MTOR: variants seen among roughly 807,000 people sequenced by gnomAD.
MTOR encodes the protein mechanistic target of rapamycin kinase.
A neutral mutation model predicts 319.8 loss-of-function variants in MTOR; 70 were observed. That is an observed-to-expected ratio of 0.22 (90% CI 0.18 to 0.27). The LOEUF is 0.27. MTOR is among the 10% of genes least tolerant of loss of function. MTOR has a pLI of 1.00. For synonymous variants in MTOR, 1,183 were observed against 1,211.4 expected (o/e 0.98, Z 0.49); for missense variants, 1,890 against 3,274.4 (o/e 0.58, Z 10.32).
chr1:11,237,671 A>T lies in MTOR; in HGVS notation c.2208+172T>A, dbSNP rs552170293. ...GGCTCATGAGGTGATGAGCACTGGA[A>T]CTGCCATTATAAAGCCAGGGAAACA... On this transcript the variant is annotated intron_variant, in intron 13 of 57. Coordinates refer to ENST00000361445, the MANE Select transcript of MTOR (RefSeq NM_004958.4). 3.6e-4 allele frequency among the ~76,000 whole-genome samples: 55 copies of T among 152,282 alleles called. 1 individual carries two copies. Among genetic ancestry groups the T allele is most frequent in the Admixed American group, 1.4e-3 (21 of 15,300 alleles).
At position 11,129,713 on chromosome 1, in the gene MTOR, G is replaced by C. The variant is rs369717371; in HGVS notation, c.5714+25C>G. ...CTTGCCATTAACATGGCCTACCAGAGTTGCATCCTTCCCTTCTCTGATACC... is the reference window on the plus strand; with the variant it reads ...CTTGCCATTAACATGGCCTACCAGACTTGCATCCTTCCCTTCTCTGATACC... On this transcript the variant is annotated intron_variant, in intron 40 of 57. Transcript: ENST00000361445. This position sits in a 1 kb window ranked among gnomAD's most constrained non-coding sequence, Gnocchi z 4.7. The C allele has an allele frequency of 6.3e-7, 1 of 1,598,930 alleles. No homozygotes were observed. Among genetic ancestry groups the C allele is most frequent in the South Asian group, 1.1e-5 (1 of 90,540 alleles).
chr1:11,160,490 C>T (rs1004834256), intron 29 of MTOR, among the ~76,000 whole-genome samples: 2 of 152,168 alleles, frequency 1.3e-5, no homozygotes, highest in Non-Finnish European at 2.9e-5. Context: ...TGCAAGCTCC[C>T]ACAAAGATAA....
intron 19 of MTOR, among the ~76,000 whole-genome samples, chr1:11,220,051 GA>G (rs1646610783): frequency 9.1e-5 from 4 of 43,896 alleles, no homozygotes; most frequent in Non-Finnish European, 1.6e-4. Context: ...AAAAAGAAAA[GA>G]AAAGAAAAGA....
At chr1:11,110,381 C>G (rs1299407287) in intron 54 of MTOR, among the ~76,000 whole-genome samples, 1 of 152,112 alleles carries the variant, frequency 6.6e-6, no homozygotes, top group Non-Finnish European at 1.5e-5. Flanking sequence ...CACAGACCTT[C>G]TGAATGAAGG....
chr1:11,224,583 T>A lies in MTOR; in HGVS notation c.3030+4085A>T, dbSNP rs193155227. Among the ~76,000 whole-genome samples, 839 of 152,290 alleles carry A rather than the reference T, an allele frequency of 5.5e-3. 7 individuals carry two copies. Among genetic ancestry groups the A allele is most frequent in the Middle Eastern group, 0.01 (3 of 294 alleles). On this transcript the variant is annotated intron_variant, in intron 19 of 57. Coordinates refer to ENST00000361445, the MANE Select transcript of MTOR (RefSeq NM_004958.4). ...GTAATAAATTCAATCTAATGACTTA[T>A]GTAAAACCCTGTCCATAACGTTAGC...
At chr1:11,173,599 T>TTGTTCAAAGAATAAAGAGA (rs1553182025) in intron 28 of MTOR, among the ~76,000 whole-genome samples, 1 of 152,138 alleles carries the variant, frequency 6.6e-6, no homozygotes, top group East Asian at 1.9e-4. Flanking sequence ...ACTCTCTTGA[T>TTGTTCAAAGAATAAAGAGA]TGTTCAAAGA....
chr1:11,175,406 A>G (rs1034615557), intron 28 of MTOR, among the ~76,000 whole-genome samples: 3 of 152,218 alleles, frequency 2.0e-5, no homozygotes, highest in African/African-American at 7.2e-5. Flanking sequence ...GCTGAATTGC[A>G]GAGCCTCCTT....
intron 28 of MTOR, among the ~76,000 whole-genome samples, chr1:11,181,685 C>G (rs1191274097): frequency 1.3e-5 from 2 of 152,166 alleles, no homozygotes; most frequent in African/African-American, 4.8e-5. Context: ...AAGACCTCAC[C>G]ACAGTAAAAC....
At chr1:11,228,547 GGGA>G (rs1646920757) in intron 19 of MTOR, 118 bp downstream of exon 19, 1 of 1,332,380 alleles carries the variant, frequency 7.5e-7, no homozygotes, top group Non-Finnish European at 1.0e-6. Flanking sequence ...GGAGTTAAGG[GGGA>G]GGAAGGCATT....
chr1:11,123,163 G>A (rs189429374), intron 47 of MTOR, among the ~76,000 whole-genome samples: 29 of 152,256 alleles, frequency 1.9e-4, no homozygotes, highest in African/African-American at 7.0e-4. Flanking sequence ...GTTGTTAAAG[G>A]CATTTCCCAA....
At chr1:11,114,963 T>G in intron 51 of MTOR, 76 bp from the exon 52 acceptor site, 1 of 1,230,834 alleles carries the variant, frequency 8.1e-7, no homozygotes, top group African/African-American at 1.5e-5. Flanking sequence ...CAGGTGGCTT[T>G]CCTCTGCATC....
chr1:11,167,150 C>T (rs768308996), intron 29 of MTOR, among the ~76,000 whole-genome samples: 36 of 151,632 alleles, frequency 2.4e-4, no homozygotes, highest in Non-Finnish European at 3.7e-4. Context: ...ATGTAAATGA[C>T]GAGTTAATGG....
chr1:11,139,169 AG>A, intron 36 of MTOR, 134 bp downstream of exon 36: 2 of 1,243,118 alleles, frequency 1.6e-6, no homozygotes, highest in South Asian at 1.6e-5. Flanking sequence ...GCTTTGTAAC[AG>A]GAAGAGACTC....
In MTOR at chr1:11,112,852, C is replaced by T. The variant is rs747347806; in HGVS notation, c.7366G>A (p.Glu2456Lys). ...TGCGACCTCCCGTGGATGCACCTAC[C>T]GACTGACTGGCCAGCAGAGTAGGAA... The part of the protein sequence containing the change: ...TDSYSAGQSV[E>K]ILDGVELGEP... The change falls in exon 54 of 58, where the codon GAA becomes AAA. Residue 2456 changes from glutamate (E) to lysine (K), a missense_variant and splice_region_variant. This residue lies in a region of MTOR where 49 missense variants were observed against 67.6 expected (regional missense o/e 0.72). Transcript: ENST00000361445. The T allele has an allele frequency of 1.2e-5, 19 of 1,614,092 alleles. No homozygotes were observed. The highest frequency in any genetic ancestry group is 6.7e-5 in the African/African-American group (5 of 74,942).
rs1428598262 is a variant in MTOR at position 11,115,491 on chromosome 1, C to A, written c.7017-23G>T. 1 of 1,607,748 alleles carries A rather than the reference C, an allele frequency of 6.2e-7. No homozygotes were observed. The highest frequency in any genetic ancestry group is 8.5e-7 in the Non-Finnish European group (1 of 1,174,266). ...TGTCTTTGAGAAACAGAAGACAGAT[C>A]AGGGAGGGATCAACAGAGATAACGG... On this transcript the variant is annotated intron_variant, in intron 50 of 57. Coordinates refer to ENST00000361445, the MANE Select transcript of MTOR (RefSeq NM_004958.4). The surrounding 1 kb of genome is among the most constrained non-coding windows in gnomAD (Gnocchi z 4.5).
intron 29 of MTOR, among the ~76,000 whole-genome samples, chr1:11,164,880 A>G (rs1300894540): frequency 6.6e-6 from 1 of 152,246 alleles, no homozygotes; most frequent in Non-Finnish European, 1.5e-5. Context: ...ATCCAGCAGC[A>G]CATCAAAAAG....
intron 47 of MTOR, among the ~76,000 whole-genome samples, chr1:11,122,409 G>A (rs1388805831): frequency 6.6e-6 from 1 of 151,492 alleles, no homozygotes; most frequent in Non-Finnish European, 1.5e-5. Context: ...CACCATGTTG[G>A]CCAGGATGGT....
intron 30 of MTOR, among the ~76,000 whole-genome samples, chr1:11,156,186 C>T (rs540847930): frequency 6.6e-6 from 1 of 152,060 alleles, no homozygotes; most frequent in Non-Finnish European, 1.5e-5. Context: ...GACGAGGTTT[C>T]GCCATGTTGG....
Position 11,199,775 on chromosome 1 carries a change from C to A in MTOR, c.3945-72G>T. On this transcript the variant is annotated intron_variant, in intron 26 of 57. Coordinates refer to ENST00000361445, the MANE Select transcript of MTOR (RefSeq NM_004958.4). This position sits in a 1 kb window ranked among gnomAD's most constrained non-coding sequence, Gnocchi z 4.5. ...CCTGCTGCCTCAAAGTCACACCTAT[C>A]AATTCGCTTTTGGCATCACTGATTT... 6.5e-7 allele frequency: 1 copy of A among 1,536,224 alleles called. No individual in the cohort carries two copies. Among genetic ancestry groups the A allele is most frequent in the Admixed American group, 1.8e-5 (1 of 56,624 alleles).
Sources: allele counts gnomAD v4.1 joint callset (sites outside exome capture counted in the v4.1 genomes callset), GRCh38; gene constraint gnomAD v4.1.1; regional missense constraint gnomAD v4.1.1; non-coding constraint Gnocchi (gnomAD v3.1); transcripts MANE v1.5; gene names NCBI Gene and HGNC (gene_info 2026-07-23, HGNC 2026-07-21).